VGLL4: variants seen among roughly 807,000 people sequenced by gnomAD.
VGLL4 encodes vestigial like family member 4.
A neutral mutation model predicts 21.0 loss-of-function variants in VGLL4; 7 were observed. The observed-to-expected ratio is 0.33, with a 90% CI of 0.19 to 0.63. The LOEUF is 0.63. Among genes scored for constraint, VGLL4 ranks in the 20% least tolerant of loss-of-function variants. The probability of loss-of-function intolerance (pLI) is 0.78; values close to 1 mark genes in which losing one functional copy is unlikely to be tolerated. For synonymous variants in VGLL4, 222 were observed against 173.2 expected, an observed-to-expected ratio of 1.28 and a Z score of -2.21; for missense variants, 394 against 425.7, an observed-to-expected ratio of 0.93 and a Z score of 0.66.
intron 1 of VGLL4, chr3:11,612,133 G>A (rs2075074952): frequency 6.6e-6 from 1 of 152,078 alleles, no homozygotes; most frequent in African/African-American, 2.4e-5. Context: ...ATGAACTGCA[G>A]TTACTCTGAA....
At chr3:11,677,578 A>C (rs67149340) in intron 2 of VGLL4, among the ~76,000 whole-genome samples, 78,759 of 151,948 alleles carry the variant, frequency 0.52, 21,745 homozygotes, top group Non-Finnish European at 0.63. Flanking sequence ...CCCAGCCCAG[A>C]TTGCAAATTT....
intron 1 of VGLL4, among the ~76,000 whole-genome samples, chr3:11,704,137 T>C (rs1366433947): frequency 6.6e-6 from 1 of 151,746 alleles, no homozygotes; most frequent in African/African-American, 2.4e-5. Flanking sequence ...TCCCAGCACT[T>C]TGGGAGGCCG....
intron 1 of VGLL4, among the ~76,000 whole-genome samples, chr3:11,642,541 A>G (rs2075713828): frequency 6.6e-6 from 1 of 152,220 alleles, no homozygotes; most frequent in African/African-American, 2.4e-5. Context: ...TGTGGTTACA[A>G]CAGAAAACAC....
intron 1 of VGLL4, among the ~76,000 whole-genome samples, chr3:11,705,357 A>C (rs1575548210): frequency 1.3e-5 from 2 of 152,196 alleles, no homozygotes; most frequent in African/African-American, 4.8e-5. Flanking sequence ...GGCGGAGCTC[A>C]CTGAGCTTGG....
chr3:11,595,551 G>A (rs1402112120), intron 2 of VGLL4, among the ~76,000 whole-genome samples: 1 of 151,944 alleles, frequency 6.6e-6, no homozygotes, highest in Non-Finnish European at 1.5e-5. Flanking sequence ...GTTTATTGCA[G>A]CACTATTCAC....
chr3:11,698,073 T>C (rs943063965), intron 2 of VGLL4, among the ~76,000 whole-genome samples: 2 of 152,240 alleles, frequency 1.3e-5, no homozygotes, highest in Non-Finnish European at 2.9e-5. Context: ...TTAGAAGATA[T>C]GGTTACCAAA....
intron 1 of VGLL4, among the ~76,000 whole-genome samples, chr3:11,641,573 T>C (rs2075688554): frequency 6.6e-6 from 1 of 152,210 alleles, no homozygotes; most frequent in African/African-American, 2.4e-5. Context: ...CAATTCACTA[T>C]AAACACCACT....
chr3:11,707,544 TAA>T (rs536008674), intron 1 of VGLL4, among the ~76,000 whole-genome samples: 2 of 140,514 alleles, frequency 1.4e-5, no homozygotes, highest in African/African-American at 2.6e-5. Flanking sequence ...TAACAGTTAT[TAA>T]AAAAAAAAAA....
chr3:11,589,282 C>T (rs930253365), intron 2 of VGLL4, among the ~76,000 whole-genome samples: 1 of 151,934 alleles, frequency 6.6e-6, no homozygotes, highest in Non-Finnish European at 1.5e-5. Context: ...GCTATGGAGG[C>T]GGGGAGAGGT....
chr3:11,704,319 G>T (rs1374424820), intron 1 of VGLL4, among the ~76,000 whole-genome samples: 1 of 148,090 alleles, frequency 6.8e-6, no homozygotes, highest in East Asian at 2.0e-4. Flanking sequence ...GGAGGCAGAG[G>T]TTGCGGTGAG....
At chr3:11,714,259 A>C (rs990438894) in intron 1 of VGLL4, among the ~76,000 whole-genome samples, 2 of 152,126 alleles carry the variant, frequency 1.3e-5, no homozygotes, top group Non-Finnish European at 2.9e-5. Context: ...CCATCTCCCT[A>C]AAGTGTCCCA....
In VGLL4 at chr3:11,558,343, G is replaced by C. The variant is rs2072627019; in HGVS notation, c.*213C>G. The C allele has an allele frequency of 1.4e-6, 1 of 726,328 alleles. No homozygotes were observed. The highest frequency in any genetic ancestry group is 2.9e-5 in the Admixed American group (1 of 33,966). 45.0% of individuals were successfully genotyped at this position (726,328 alleles called of 1,614,324 possible). A position where few individuals can be genotyped will look rare whatever the true frequency, so the allele number is the denominator to read the frequency against. Reference sequence around the variant, plus strand: ...GCTACATTAGACAGATGTTCCACGCGTAGTTCCTGCTATCATGTTTGAGGG... The same window carrying C: ...GCTACATTAGACAGATGTTCCACGCCTAGTTCCTGCTATCATGTTTGAGGG... On this transcript the variant is annotated 3_prime_UTR_variant, in exon 5 of 5. Transcript: ENST00000430365.
intron 1 of VGLL4, among the ~76,000 whole-genome samples, chr3:11,706,298 T>C (rs922097423): frequency 1.3e-5 from 2 of 152,220 alleles, no homozygotes; most frequent in Non-Finnish European, 2.9e-5. Flanking sequence ...GCACCTGCCA[T>C]CTGCTGCAAC....
In VGLL4 at chr3:11,719,722, G is replaced by A. The variant is rs865954473; in HGVS notation, c.-14+672C>T. 0.017 allele frequency: 41 copies of A among 2,468 alleles called. No individual in the cohort carries two copies. The highest frequency in any genetic ancestry group is 0.057 in the African/African-American group (31 of 542). 0.2% of individuals were successfully genotyped at this position (2,468 alleles called of 1,614,324 possible). A position where few individuals can be genotyped will look rare whatever the true frequency, so the allele number is the denominator to read the frequency against. Reference sequence around the variant, plus strand: ...CGGTCACGCCCCTCACGGAGCAGGTGGGGGCTGAGCCAGGTGAGCCGGGAG... The same window carrying A: ...CGGTCACGCCCCTCACGGAGCAGGTAGGGGCTGAGCCAGGTGAGCCGGGAG... On this transcript the variant is annotated intron_variant, in intron 1 of 5. Coordinates refer to the VGLL4 transcript ENST00000273038. This position sits in a 1 kb window ranked among gnomAD's most constrained non-coding sequence, Gnocchi z 4.0.
At chr3:11,664,609 G>A (rs1023035594) in intron 2 of VGLL4, among the ~76,000 whole-genome samples, 11 of 152,156 alleles carry the variant, frequency 7.2e-5, no homozygotes, top group Admixed American at 1.3e-4. Flanking sequence ...GGAGAATCAG[G>A]GCTGAATAAC....
chr3:11,673,416 C>T (rs6442274), intron 2 of VGLL4, among the ~76,000 whole-genome samples: 84,667 of 151,002 alleles, frequency 0.56, 24,076 homozygotes, highest in Non-Finnish European at 0.62. Flanking sequence ...AGAACGAGTC[C>T]GGAAGGGAGA....
intron 2 of VGLL4, among the ~76,000 whole-genome samples, chr3:11,650,622 C>G (rs542301886): frequency 6.6e-6 from 1 of 152,068 alleles, no homozygotes; most frequent in Admixed American, 6.5e-5. Flanking sequence ...TACTGGGTTC[C>G]GCTGTGCTCT....
chr3:11,559,278 G>A, intron 4 of VGLL4, 54 bp downstream of exon 4: 6 of 1,476,154 alleles, frequency 4.1e-6, no homozygotes, highest in Non-Finnish European at 5.4e-6. Flanking sequence ...GACAGAGAAG[G>A]GCTCTGCTGC....
rs775165574 is a variant in VGLL4 at position 11,568,802 on chromosome 3, C to T, written c.273-3783G>A. On this transcript the variant is annotated intron_variant, in intron 2 of 4. Transcript: ENST00000430365. The surrounding 1 kb of genome is among the most constrained non-coding windows in gnomAD (Gnocchi z 5.9). ...TGGTCAGGACTGTGCCCGAGAGAGCCCACGGCATCCCCGCGAACACCCAAA... is the reference window on the plus strand; with the variant it reads ...TGGTCAGGACTGTGCCCGAGAGAGCTCACGGCATCCCCGCGAACACCCAAA... 9.5e-5 allele frequency: 136 copies of T among 1,438,006 alleles called. No individual in the cohort carries two copies. Among genetic ancestry groups the T allele is most frequent in the Admixed American group, 8.4e-4 (31 of 36,796 alleles). 89.1% of individuals were successfully genotyped at this position (1,438,006 alleles called of 1,614,324 possible).
Sources: gnomAD v4.1 joint callset for allele counts (sites outside exome capture counted in the v4.1 genomes callset) on GRCh38, gnomAD v4.1.1 for gene constraint, Gnocchi (gnomAD v3.1) non-coding constraint, MANE v1.5 for transcripts, NCBI Gene and HGNC (gene_info 2026-07-23, HGNC 2026-07-21) for gene names.